Variants in INTS3 observed in about 807,000 individuals in gnomAD.
INTS3 encodes SOSS complex subunit A.
In INTS3, 34 loss-of-function variants were observed where a neutral mutation model predicts 146.3. The ratio of observed to expected loss-of-function variants is 0.23; its 90% CI spans 0.18 to 0.31. The LOEUF (loss-of-function observed/expected upper bound fraction) is 0.31. Among genes scored for constraint, INTS3 ranks in the 10% least tolerant of loss-of-function variants. The pLI is 1.00. For missense variants in INTS3, 757 were observed against 1,304.2 expected, an observed-to-expected ratio of 0.58 and a Z score of 6.46; for synonymous variants, 475 against 494.9, an observed-to-expected ratio of 0.96 and a Z score of 0.53.
At position 153,732,906 on chromosome 1, in the gene INTS3, C is replaced by T. The variant is rs375480087; in HGVS notation, c.150+4122C>T. Among the ~76,000 whole-genome samples, 610 of 151,462 alleles carry T rather than the reference C, an allele frequency of 4.0e-3. 8 individuals carry two copies. The highest frequency in any genetic ancestry group is 0.014 in the African/African-American group (587 of 41,254). Reference sequence around the variant, plus strand: ...GCAACCTGCACTTCCCAGATTCAAGCGATTTTCCTGCCTCAGCCTCCTGAG... The same window carrying T: ...GCAACCTGCACTTCCCAGATTCAAGTGATTTTCCTGCCTCAGCCTCCTGAG... On this transcript the variant is annotated intron_variant, in intron 1 of 29. Transcript: ENST00000318967.
intron 2 of INTS3, 49 bp downstream of exon 2, chr1:153,740,783 T>C: frequency 7.1e-7 from 1 of 1,399,046 alleles, no homozygotes; most frequent in Non-Finnish European, 1.0e-6. Flanking sequence ...GTGAAGGTCT[T>C]GAAACATGGT....
At chr1:153,746,403 C>G (rs771166554) in intron 3 of INTS3, among the ~76,000 whole-genome samples, 1 of 150,108 alleles carries the variant, frequency 6.7e-6, no homozygotes, top group Non-Finnish European at 1.5e-5. Context: ...CTCTCCCCTG[C>G]CCCCGAGACA....
chr1:153,746,942 CTT>C lies in INTS3; in HGVS notation c.319-13_319-12del, dbSNP rs1671769582. 1.3e-6 allele frequency: 2 copies of C among 1,580,422 alleles called. No homozygotes were observed. The highest frequency in any genetic ancestry group is 2.2e-5 in the South Asian group (2 of 90,068). On this transcript the variant is annotated splice_polypyrimidine_tract_variant and intron_variant, in intron 3 of 29. Coordinates refer to ENST00000318967, the MANE Select transcript of INTS3 (RefSeq NM_023015.5). ...CCTCAGCTTGCTGGCTGATCACAAACTTTACTTCTCACAGTGTTACCGGGACT... is the reference window on the plus strand; with the variant it reads ...CCTCAGCTTGCTGGCTGATCACAAACTACTTCTCACAGTGTTACCGGGACT...
chr1:153,758,668 G>C lies in INTS3; in HGVS notation c.1150-858G>C, dbSNP rs555780205. ...ACAAAAAAATACAAAAATTAGCCAA[G>C]TGTGTTGGTGTGCGGCTGTAGTCCC... On this transcript the variant is annotated intron_variant, in intron 10 of 29. Transcript: ENST00000318967. Among the ~76,000 whole-genome samples, 133 of 149,708 alleles carry C rather than the reference G, an allele frequency of 8.9e-4. 1 individual carries two copies. Among genetic ancestry groups the C allele is most frequent in the Middle Eastern group, 3.6e-3 (1 of 274 alleles).
At position 153,752,370 on chromosome 1, in the gene INTS3, T is replaced by G; in HGVS notation, c.821T>G (p.Ile274Ser). 1 of 1,613,602 alleles carries G rather than the reference T, an allele frequency of 6.2e-7. No homozygotes were observed. The highest frequency in any genetic ancestry group is 8.5e-7 in the Non-Finnish European group (1 of 1,179,794). ...IPEFELLWKD[I>S]IHNPQALSPQ... is the part of the protein sequence containing the mutation. ...GAATTTGAACTGCTTTGGAAAGATATTATCCATAATCCTCAGGCCTTGAGT... is the reference window on the plus strand; with the variant it reads ...GAATTTGAACTGCTTTGGAAAGATAGTATCCATAATCCTCAGGCCTTGAGT... The change falls in exon 8 of 30, where the codon ATT becomes AGT. Residue 274 changes from isoleucine (I) to serine (S), a missense_variant. This residue lies in a region of INTS3 where 134 missense variants were observed against 243.1 expected (regional missense o/e 0.55). Transcript: ENST00000318967.
chr1:153,767,326 T>C (rs1298902581), intron 20 of INTS3: 1 of 228,958 alleles, frequency 4.4e-6, no homozygotes, highest in Non-Finnish European at 8.4e-6. Flanking sequence ...TGCTGTGAGG[T>C]GTCACTGCCC....
At chr1:153,748,613 A>G in intron 5 of INTS3, 76 bp from the exon 6 acceptor site, 1 of 1,182,834 alleles carries the variant, frequency 8.5e-7, no homozygotes, top group Non-Finnish European at 1.3e-6. Context: ...GTGGACCAGC[A>G]GAATGGGTGA....
In INTS3 at chr1:153,728,100, G is replaced by A. The variant is rs906679547; in HGVS notation, c.-535G>A. 2 of 394,792 alleles carry A rather than the reference G, an allele frequency of 5.1e-6. No homozygotes were observed. The highest frequency in any genetic ancestry group is 2.1e-5 in the African/African-American group (1 of 47,360). 24.5% of individuals were successfully genotyped at this position (394,792 alleles called of 1,614,324 possible). A position where few individuals can be genotyped will look rare whatever the true frequency, so the allele number is the denominator to read the frequency against. On this transcript the variant is annotated 5_prime_UTR_variant, in exon 1 of 30. Transcript: ENST00000318967. ...TATGGCCGCTTCTGTGTGGTGTGGG[G>A]AGACGCTGGTCCTCCCCGTCCTCCC... is the stretch of plus-strand genomic sequence containing the variant.
chr1:153,763,595 G>C lies in INTS3; in HGVS notation c.1766+233G>C, dbSNP rs140362460. Among the ~76,000 whole-genome samples the C allele has an allele frequency of 4.7e-3, 720 of 152,314 alleles. 3 individuals are homozygous for C. The highest frequency in any genetic ancestry group is 0.015 in the African/African-American group (627 of 41,554). On this transcript the variant is annotated intron_variant, in intron 16 of 29. Transcript: ENST00000318967. ...GAGTTCCCACTCTGCAGATTCTTGGGAGAAGAACCTCTGAGAACCAAGGCA... is the reference window on the plus strand; with the variant it reads ...GAGTTCCCACTCTGCAGATTCTTGGCAGAAGAACCTCTGAGAACCAAGGCA...
intron 1 of INTS3, among the ~76,000 whole-genome samples, chr1:153,739,526 G>C (rs1570840042): frequency 6.7e-6 from 1 of 149,604 alleles, no homozygotes; most frequent in African/African-American, 2.5e-5. Flanking sequence ...TAGAGACGGG[G>C]TTTCTCCATG....
chr1:153,770,870 CA>C, intron 25 of INTS3, 137 bp downstream of exon 25: 1 of 717,530 alleles, frequency 1.4e-6, no homozygotes, highest in South Asian at 1.6e-5. Flanking sequence ...GCCCTTCCCC[CA>C]ACGTGACTTA....
rs565155346 is a variant in INTS3, at chr1:153,740,598, A to G, written c.151-53A>G. On this transcript the variant is annotated intron_variant, in intron 1 of 29. Coordinates refer to ENST00000318967, the MANE Select transcript of INTS3 (RefSeq NM_023015.5). The stretch of plus-strand genomic sequence containing the variant: ...GTTAAACTTTTAGGGGCCCAGAAGT[A>G]CTTCCTAAGTGGTGTTATGACACAC... The G allele has an allele frequency of 2.5e-5, 33 of 1,330,288 alleles. 1 individual carries two copies. The highest frequency in any genetic ancestry group is 2.8e-5 in the Non-Finnish European group (26 of 921,558). The allele number at this position is 1,330,288 out of a possible 1,614,324, so 82.4% of individuals were successfully genotyped here.
At chr1:153,734,621 C>G (rs918348364) in intron 1 of INTS3, among the ~76,000 whole-genome samples, 2 of 152,130 alleles carry the variant, frequency 1.3e-5, no homozygotes, top group Non-Finnish European at 2.9e-5. Flanking sequence ...GGGAAGGGGC[C>G]TAGAGAAACT....
intron 1 of INTS3, among the ~76,000 whole-genome samples, chr1:153,735,970 G>C (rs2101779583): frequency 6.6e-6 from 1 of 152,296 alleles, no homozygotes; most frequent in South Asian, 2.1e-4. Context: ...GGCCTCAGGT[G>C]ATCTACCTGC....
At chr1:153,751,023 C>T (rs1230091316) in intron 6 of INTS3, 72 bp from the exon 7 acceptor site, 1 of 1,500,268 alleles carries the variant, frequency 6.7e-7, no homozygotes, top group Non-Finnish European at 9.1e-7. Context: ...GTAGCCAAGC[C>T]CAAGAAGCGT....
At chr1:153,740,443 G>A (rs1017300860) in intron 1 of INTS3, among the ~76,000 whole-genome samples, 8 of 151,976 alleles carry the variant, frequency 5.3e-5, no homozygotes, top group East Asian at 1.9e-4. Context: ...TTTTTCTTGC[G>A]ATTTATGTGT....
At chr1:153,729,405 C>T (rs965007880) in intron 1 of INTS3, among the ~76,000 whole-genome samples, 1 of 152,182 alleles carries the variant, frequency 6.6e-6, no homozygotes, top group Non-Finnish European at 1.5e-5. Flanking sequence ...GAGAACACAT[C>T]GCTTCTGAAA....
chr1:153,760,726 G>A, intron 12 of INTS3, 101 bp from the exon 13 acceptor site: 1 of 926,500 alleles, frequency 1.1e-6, no homozygotes. Context: ...ATACTCCCCA[G>A]TGTCCCCTGA....
Position 153,764,742 on chromosome 1 carries a change from C to A in INTS3, c.1970+8C>A. On this transcript the variant is annotated splice_region_variant and intron_variant, in intron 19 of 29. Coordinates refer to ENST00000318967, the MANE Select transcript of INTS3 (RefSeq NM_023015.5). ...TCTGTACCTAATATTTAGGTAAGCA[C>A]GCAGCTATAGGAGATACTGTTCTAC... 6.2e-7 allele frequency: 1 copy of A among 1,600,658 alleles called. No individual in the cohort carries two copies. The highest frequency in any genetic ancestry group is 8.6e-7 in the Non-Finnish European group (1 of 1,167,888).
Sources: allele counts gnomAD v4.1 joint callset (sites outside exome capture counted in the v4.1 genomes callset), GRCh38; gene constraint gnomAD v4.1.1; regional missense constraint gnomAD v4.1.1; transcripts MANE v1.5; gene names NCBI Gene and HGNC (gene_info 2026-07-23, HGNC 2026-07-21).